The following GDAP1 variants were observed in gnomAD, a reference collection of about 807,000 sequenced individuals.
GDAP1 encodes the protein ganglioside-induced differentiation-associated protein 1.
Under a neutral mutation model 40.1 loss-of-function variants are expected in GDAP1, and 34 were observed. The observed-to-expected ratio is 0.85, with a 90% CI of 0.64 to 1.13. The LOEUF (loss-of-function observed/expected upper bound fraction) is 1.13. Ranked by LOEUF, GDAP1 falls within the 50% of genes most tolerant of loss-of-function variation. The pLI is 0.00. For synonymous variants in GDAP1, 170 were observed against 157.4 expected (o/e 1.08, Z -0.60); for missense variants, 374 against 433.7 (o/e 0.86, Z 1.22).
chr8:74,368,517 T>C (rs759855822), downstream of GDAP1, among the ~76,000 whole-genome samples: 9 of 152,218 alleles, frequency 5.9e-5, no homozygotes, highest in Non-Finnish European at 1.3e-4. Flanking sequence ...AAAATTCTTA[T>C]TGCTCTGCTC....
intron 2 of GDAP1, among the ~76,000 whole-genome samples, chr8:74,467,763 C>T (rs1023330496): frequency 2.0e-5 from 3 of 152,086 alleles, no homozygotes; most frequent in African/African-American, 7.2e-5. Flanking sequence ...CTGTAGAACC[C>T]GGGGGCTGGA....
intron 2 of GDAP1, among the ~76,000 whole-genome samples, chr8:74,392,350 A>T (rs1325673330): frequency 1.3e-5 from 2 of 152,228 alleles, no homozygotes; most frequent in Non-Finnish European, 2.9e-5. Context: ...AGCAAGAACT[A>T]TAACAATTTT....
chr8:74,382,807 G>A (rs549981232), intron 2 of GDAP1, among the ~76,000 whole-genome samples: 6 of 151,928 alleles, frequency 3.9e-5, no homozygotes, highest in African/African-American at 1.4e-4. Context: ...TATCAGCTTG[G>A]AATTTTGAAC....
intron 2 of GDAP1, among the ~76,000 whole-genome samples, chr8:74,393,935 C>T (rs1352673444): frequency 6.6e-6 from 1 of 152,102 alleles, no homozygotes; most frequent in Non-Finnish European, 1.5e-5. Context: ...GTTTTATACC[C>T]TTTTTTCCCC....
chr8:74,438,107 A>G (rs1433900765), intron 2 of GDAP1, among the ~76,000 whole-genome samples: 2 of 151,996 alleles, frequency 1.3e-5, no homozygotes, highest in South Asian at 4.2e-4. Flanking sequence ...CGTCTCTACT[A>G]AAAAATACAA....
chr8:74,366,047 C>T lies in GDAP1; in HGVS notation c.*1680C>T, dbSNP rs1054443716. On this transcript the variant is annotated 3_prime_UTR_variant, in exon 6 of 6. Coordinates refer to ENST00000220822, the MANE Select transcript of GDAP1 (RefSeq NM_018972.4). ...AATAAGAATTGGATTTTTATAAAAA[C>T]CTCTGAAGGATATTTACCTATGAAA... 4.5e-6 allele frequency: 2 copies of T among 448,262 alleles called. No homozygotes were observed. The highest frequency in any genetic ancestry group is 8.9e-6 in the Non-Finnish European group (2 of 225,332). 27.8% of individuals were successfully genotyped at this position (448,262 alleles called of 1,614,324 possible).
chr8:74,369,202 A>G (rs1809708231), downstream of GDAP1, among the ~76,000 whole-genome samples: 2 of 152,200 alleles, frequency 1.3e-5, no homozygotes, highest in Non-Finnish European at 2.9e-5. Flanking sequence ...AACAAAATCC[A>G]GAGTCTCCAT....
chr8:74,447,238 G>A (rs1026192576), intron 2 of GDAP1, among the ~76,000 whole-genome samples: 8 of 151,974 alleles, frequency 5.3e-5, no homozygotes, highest in African/African-American at 1.5e-4. Context: ...AATTAATGTC[G>A]TTAATTCAAT....
rs747407618 is a variant in GDAP1 at position 74,366,346 on chromosome 8, A to C, written c.*1979A>C. 1 of 454,484 alleles carries C rather than the reference A, an allele frequency of 2.2e-6. No individual in the cohort carries two copies. Among genetic ancestry groups the C allele is most frequent in the South Asian group, 1.6e-5 (1 of 64,468 alleles). The allele number at this position is 454,484 out of a possible 1,614,324, so 28.2% of individuals were successfully genotyped here. On this transcript the variant is annotated 3_prime_UTR_variant, in exon 6 of 6. Coordinates refer to ENST00000220822, the MANE Select transcript of GDAP1 (RefSeq NM_018972.4). ...TTCTTTTTGTTCAGCAACTCTTCTA[A>C]AATGTTTCAAGCAAAGATAGTAATG...
intron 2 of GDAP1, among the ~76,000 whole-genome samples, chr8:74,477,358 A>G (rs972717592): frequency 2.6e-5 from 4 of 152,200 alleles, no homozygotes; most frequent in African/African-American, 9.7e-5. Flanking sequence ...CTTGGAGGAA[A>G]GAAGGCACTC....
At chr8:74,382,374 T>G (rs1809967172) in intron 2 of GDAP1, among the ~76,000 whole-genome samples, 2 of 76,684 alleles carry the variant, frequency 2.6e-5, no homozygotes, top group Admixed American at 1.1e-4. Flanking sequence ...TCATTGCTAG[T>G]GGTTTTTTTT....
intron 2 of GDAP1, among the ~76,000 whole-genome samples, chr8:74,396,861 A>G (rs4738456): frequency 1 from 152,200 of 152,324 alleles, 76,039 homozygotes; most frequent in Middle Eastern, 1. Context: ...AGTCCTTTGC[A>G]TATATACCCA....
intron 2 of GDAP1, among the ~76,000 whole-genome samples, chr8:74,404,177 A>G (rs979435340): frequency 6.7e-6 from 1 of 149,836 alleles, no homozygotes; most frequent in Non-Finnish European, 1.5e-5. Flanking sequence ...AGTGAGAATT[A>G]TTTACTTTGT....
At chr8:74,471,481 T>G (rs1376366734) in intron 2 of GDAP1, among the ~76,000 whole-genome samples, 1 of 152,042 alleles carries the variant, frequency 6.6e-6, no homozygotes, top group Non-Finnish European at 1.5e-5. Flanking sequence ...CTTCCTTTTG[T>G]TTTCTATTGG....
chr8:74,484,006 C>T (rs1462253363), intron 2 of GDAP1, among the ~76,000 whole-genome samples: 1 of 152,102 alleles, frequency 6.6e-6, no homozygotes, highest in Non-Finnish European at 1.5e-5. Context: ...GCAAAAATAT[C>T]TATGTTGTTC....
chr8:74,386,448 C>G (rs1410367778), intron 2 of GDAP1, among the ~76,000 whole-genome samples: 1 of 152,138 alleles, frequency 6.6e-6, no homozygotes, highest in East Asian at 1.9e-4. Flanking sequence ...AATAGGGAAT[C>G]CTTTCCTCAT....
chr8:74,388,221 C>T, intron 2 of GDAP1, among the ~76,000 whole-genome samples: 1 of 151,990 alleles, frequency 6.6e-6, no homozygotes, highest in East Asian at 1.9e-4. Flanking sequence ...CTTCTGCTAG[C>T]TTTTGAATTT....
intron 2 of GDAP1, among the ~76,000 whole-genome samples, chr8:74,431,551 C>G (rs533195283): frequency 2.8e-4 from 43 of 152,056 alleles, no homozygotes; most frequent in African/African-American, 3.9e-4. Context: ...GCTGGATCTC[C>G]GCTCACTGCA....
At position 74,434,282 on chromosome 8, in the gene GDAP1, G is replaced by A. The variant is rs145809386; in HGVS notation, c.166-54396G>A. ...AGTTATTTACTCAAGAATAAAGACC[G>A]TGATCATTTCATTATTCCTCAGTGT... On this transcript the variant is annotated intron_variant, in intron 2 of 2. Coordinates refer to the GDAP1 transcript ENST00000523640. 4.4e-3 allele frequency among the ~76,000 whole-genome samples: 677 copies of A among 152,238 alleles called. 7 individuals are homozygous for A. The highest frequency in any genetic ancestry group is 7.7e-3 in the South Asian group (37 of 4,824).
Sources: gnomAD v4.1 joint callset for allele counts (sites outside exome capture counted in the v4.1 genomes callset) on GRCh38, gnomAD v4.1.1 for gene constraint, MANE v1.5 for transcripts, NCBI Gene and HGNC (gene_info 2026-07-23, HGNC 2026-07-21) for gene names.